GPHN: variants seen among roughly 807,000 people sequenced by gnomAD.
GPHN encodes gephyrin.
In GPHN, 17 loss-of-function variants were observed where a neutral mutation model predicts 95.5. The ratio of observed to expected loss-of-function variants is 0.18; its 90% CI spans 0.12 to 0.27. The LOEUF is 0.27. Among genes scored for constraint, GPHN ranks in the 10% least tolerant of loss-of-function variants. The pLI is 1.00. For missense variants in GPHN, 660 were observed against 978.1 expected (o/e 0.67, Z 4.34); for synonymous variants, 320 against 322.5 (o/e 0.99, Z 0.08).
chr14:67,566,762 A>AG, the GPHN span, among the ~76,000 whole-genome samples: 1 of 151,804 alleles, frequency 6.6e-6, no homozygotes. Flanking sequence ...AAAAAAAAAA[A>AG]AAAGAGTGGG....
chr14:67,553,184 T>A, the GPHN span, among the ~76,000 whole-genome samples: 1 of 152,190 alleles, frequency 6.6e-6, no homozygotes, highest in African/African-American at 2.4e-5. Context: ...AAATATGAAT[T>A]ATCATTTCTA....
intron 17 of GPHN, among the ~76,000 whole-genome samples, chr14:67,136,358 A>G (rs2080077040): frequency 6.6e-6 from 1 of 152,208 alleles, no homozygotes; most frequent in Non-Finnish European, 1.5e-5. Flanking sequence ...CTTCTATTAA[A>G]GTACAAAAAA....
the GPHN span, among the ~76,000 whole-genome samples, chr14:67,380,429 A>T: frequency 6.6e-6 from 1 of 152,194 alleles, no homozygotes; most frequent in Non-Finnish European, 1.5e-5. Context: ...GTTAGGCATT[A>T]AATTGCTTGT....
intron 1 of GPHN, among the ~76,000 whole-genome samples, chr14:66,522,488 T>G (rs1434272826): frequency 1.3e-5 from 2 of 152,174 alleles, no homozygotes. Flanking sequence ...ATTAAAGATG[T>G]GAGTAATAAT....
At chr14:67,647,037 T>C in the GPHN span, 2 of 1,564,570 alleles carry the variant, frequency 1.3e-6, no homozygotes, top group South Asian at 1.1e-5. Flanking sequence ...TAAGTAACTA[T>C]AACTGATGTC....
At chr14:66,837,805 T>C (rs1282293118) in intron 4 of GPHN, among the ~76,000 whole-genome samples, 1 of 151,864 alleles carries the variant, frequency 6.6e-6, no homozygotes, top group East Asian at 1.9e-4. Flanking sequence ...ATAAAAATTA[T>C]ATATTCAATT....
intron 18 of GPHN, among the ~76,000 whole-genome samples, chr14:67,157,347 T>C (rs909210663): frequency 2.6e-5 from 4 of 152,164 alleles, no homozygotes; most frequent in African/African-American, 9.7e-5. Context: ...TCTAATAATA[T>C]AACCTCAAAA....
intron 5 of GPHN, among the ~76,000 whole-genome samples, chr14:66,908,919 T>C (rs1339636486): frequency 6.6e-6 from 1 of 151,052 alleles, no homozygotes. Flanking sequence ...CCTGAGCATC[T>C]ATCACTGCCA....
the GPHN span, chr14:67,571,101 A>G: frequency 6.6e-6 from 1 of 152,538 alleles, no homozygotes; most frequent in Non-Finnish European, 1.5e-5. Flanking sequence ...CTTTCCTCCA[A>G]TAATAATTTA....
Position 66,882,613 on chromosome 14 carries a change from AG to A in GPHN, c.389+2581del, listed in dbSNP as rs552138225. On this transcript the variant is annotated intron_variant, in intron 5 of 22. Transcript: ENST00000478722. ...TCATCTATATAATAAAGATGTTAAT[AG>A]TACCAAATTTCTTGGATAAAGTGAA... Among the ~76,000 whole-genome samples the A allele has an allele frequency of 7.2e-3, 1,088 of 151,936 alleles. 6 individuals are homozygous for A. The highest frequency in any genetic ancestry group is 0.012 in the Non-Finnish European group (783 of 67,782).
intron 14 of GPHN, among the ~76,000 whole-genome samples, chr14:67,111,608 A>G (rs906911959): frequency 2.0e-5 from 3 of 152,202 alleles, no homozygotes; most frequent in South Asian, 2.1e-4. Context: ...ACAAGATTTA[A>G]TATTTGAATT....
chr14:67,266,386 C>T, the GPHN span, among the ~76,000 whole-genome samples: 1 of 152,036 alleles, frequency 6.6e-6, no homozygotes, highest in Admixed American at 6.6e-5. Context: ...AGTGCAGTGG[C>T]GTGATCTCAG....
the GPHN span, among the ~76,000 whole-genome samples, chr14:67,277,989 C>T: frequency 1.7e-4 from 26 of 151,656 alleles, no homozygotes; most frequent in African/African-American, 6.3e-4. Flanking sequence ...CAGATACAAC[C>T]GTTTTCTCTA....
chr14:67,556,608 C>T, the GPHN span, among the ~76,000 whole-genome samples: 2 of 152,146 alleles, frequency 1.3e-5, no homozygotes, highest in Non-Finnish European at 2.9e-5. Flanking sequence ...TTAAGCCCAG[C>T]GGGGTGTGAC....
chr14:67,692,520 T>C, the GPHN span: 3 of 1,613,544 alleles, frequency 1.9e-6, no homozygotes, highest in Non-Finnish European at 2.5e-6. Flanking sequence ...GCTGGTTCCC[T>C]GTCGTGGTCT....
At position 66,838,051 on chromosome 14, in the gene GPHN, C is replaced by T. The variant is rs183332324; in HGVS notation, c.294+13485C>T. Among the ~76,000 whole-genome samples the T allele has an allele frequency of 4.9e-4, 75 of 152,048 alleles. 1 individual carries two copies. The highest frequency in any genetic ancestry group is 1.8e-3 in the African/African-American group (73 of 41,502). ...TGCTTAATTCTGCTCTGTAATGGGG[C>T]ATAAAATTAATAATAATAAAAATAA... On this transcript the variant is annotated intron_variant, in intron 4 of 22. Transcript: ENST00000478722.
the GPHN span, among the ~76,000 whole-genome samples, chr14:67,328,228 G>A: frequency 6.6e-6 from 1 of 152,150 alleles, no homozygotes; most frequent in Non-Finnish European, 1.5e-5. Flanking sequence ...TTCTCTGATG[G>A]CCAGTGATGA....
At chr14:66,977,396 A>G (rs929504846) in intron 9 of GPHN, among the ~76,000 whole-genome samples, 2 of 151,644 alleles carry the variant, frequency 1.3e-5, no homozygotes, top group Non-Finnish European at 2.9e-5. Context: ...GCGCCATTGC[A>G]CTCCAGCCTG....
chr14:66,833,462 C>T (rs2061660396), intron 4 of GPHN, among the ~76,000 whole-genome samples: 1 of 152,078 alleles, frequency 6.6e-6, no homozygotes, highest in Admixed American at 6.6e-5. Flanking sequence ...GGGACACAGC[C>T]AAACCATATC....
Sources: gnomAD v4.1 joint callset for allele counts (sites outside exome capture counted in the v4.1 genomes callset) on GRCh38, gnomAD v4.1.1 for gene constraint, MANE v1.5 for transcripts, NCBI Gene and HGNC (gene_info 2026-07-23, HGNC 2026-07-21) for gene names.